Variants in SPTBN1 observed in about 807,000 individuals in gnomAD.
SPTBN1 encodes the protein spectrin beta chain, non-erythrocytic 1.
Under a neutral mutation model 266.4 loss-of-function variants are expected in SPTBN1, and 32 were observed. That is an observed-to-expected ratio of 0.12 (90% CI 0.09 to 0.16). The LOEUF (loss-of-function observed/expected upper bound fraction) is 0.16, where lower values mean the gene tolerates loss of function less well. Ranked by LOEUF, SPTBN1 falls within the 10% of genes least tolerant of loss-of-function variation. SPTBN1 has a pLI of 1.00. For synonymous variants in SPTBN1, 1,336 were observed against 1,162.2 expected, an observed-to-expected ratio of 1.15 and a Z score of -3.04; for missense variants, 2,296 against 3,067.1, an observed-to-expected ratio of 0.75 and a Z score of 5.94.
chr2:54,659,535 G>C (rs941727870), intron 31 of SPTBN1, among the ~76,000 whole-genome samples: 1 of 152,298 alleles, frequency 6.6e-6, no homozygotes, highest in South Asian at 2.1e-4. Flanking sequence ...AGGATGCTCA[G>C]AACTTCCATA....
In SPTBN1 at chr2:54,648,976, T is replaced by C. The variant is rs773849151; in HGVS notation, c.4998-10T>C. ...TCCTTTTTCTCCCCATTGCTCCTTT[T>C]CTTTTTCAGTGAGCGCATTAGCATG... On this transcript the variant is annotated splice_polypyrimidine_tract_variant and intron_variant, in intron 24 of 35. Coordinates refer to ENST00000356805, the MANE Select transcript of SPTBN1 (RefSeq NM_003128.3). 12 of 1,582,550 alleles carry C rather than the reference T, an allele frequency of 7.6e-6. No homozygotes were observed. In the South Asian group the frequency reaches 1.0e-4, roughly 13 times the overall value.
intron 2 of SPTBN1, among the ~76,000 whole-genome samples, chr2:54,531,326 T>C (rs1671224362): frequency 6.6e-6 from 1 of 152,142 alleles, no homozygotes; most frequent in East Asian, 1.9e-4. Context: ...CAGAATTGAA[T>C]TGAATTGTAG....
At chr2:54,497,430 T>C (rs1237465780) in intron 1 of SPTBN1, among the ~76,000 whole-genome samples, 1 of 152,164 alleles carries the variant, frequency 6.6e-6, no homozygotes, top group Non-Finnish European at 1.5e-5. Context: ...TGAGACTCAC[T>C]CTAACCACCA....
At chr2:54,468,315 TAAAATA>T (rs1693741414) in intron 1 of SPTBN1, among the ~76,000 whole-genome samples, 1 of 140,830 alleles carries the variant, frequency 7.1e-6, no homozygotes, top group Non-Finnish European at 1.5e-5. Flanking sequence ...TCAAAAAAAA[TAAAATA>T]AAAAAATAAA....
chr2:54,580,600 CAA>C (rs5831313), intron 2 of SPTBN1, among the ~76,000 whole-genome samples: 26 of 137,804 alleles, frequency 1.9e-4, no homozygotes, highest in Admixed American at 2.2e-4. Context: ...ACACTTTAAC[CAA>C]AAAAAAAAAA....
chr2:54,637,842 T>C, intron 18 of SPTBN1, 39 bp downstream of exon 18: 1 of 1,503,894 alleles, frequency 6.6e-7, no homozygotes, highest in Non-Finnish European at 9.2e-7. Flanking sequence ...TGTGTTCCAG[T>C]AATAGCAATT....
chr2:54,623,665 G>A (rs756967242), intron 10 of SPTBN1, 69 bp downstream of exon 10: 42 of 1,256,752 alleles, frequency 3.3e-5, no homozygotes, highest in Admixed American at 1.3e-4. Context: ...ACTAGGTCTC[G>A]ACTGCTAAGA....
Position 54,647,217 on chromosome 2 carries a change from C to T in SPTBN1, c.4953C>T (p.Leu1651=), listed in dbSNP as rs143233659. 6.2e-7 allele frequency: 1 copy of T among 1,614,020 alleles called. No individual in the cohort carries two copies. Among genetic ancestry groups the T allele is most frequent in the African/African-American group, 1.3e-5 (1 of 74,934 alleles). Reference sequence around the variant, plus strand: ...ACTATGCAGAGACCGTGCATCAGCTCTCCAAGACCAGCCGGGCCCTGGTGG... The same window carrying T: ...ACTATGCAGAGACCGTGCATCAGCTTTCCAAGACCAGCCGGGCCCTGGTGG... ...VEDYAETVHQ[L]SKTSRALVAD... Residue 1651 remains leucine, a synonymous_variant, in exon 24 of 36, where the codon CTC becomes CTT. Coordinates refer to ENST00000356805, the MANE Select transcript of SPTBN1 (RefSeq NM_003128.3).
At chr2:54,586,203 G>A (rs1003367696) in intron 2 of SPTBN1, among the ~76,000 whole-genome samples, 8 of 152,132 alleles carry the variant, frequency 5.3e-5, no homozygotes, top group Non-Finnish European at 2.9e-5. Flanking sequence ...GCTTACTTGC[G>A]TAGACAACTG....
chr2:54,541,524 T>C (rs62134669), intron 2 of SPTBN1, among the ~76,000 whole-genome samples: 20,077 of 152,284 alleles, frequency 0.13, 1,457 homozygotes, highest in Middle Eastern at 0.24. Flanking sequence ...TGTGCATTCA[T>C]TTAATCAGTC....
chr2:54,468,364 A>T (rs540436464), intron 1 of SPTBN1, among the ~76,000 whole-genome samples: 6 of 151,938 alleles, frequency 3.9e-5, no homozygotes, highest in Non-Finnish European at 8.8e-5. Context: ...GTGTGTATAT[A>T]TATTTATTTA....
chr2:54,531,290 T>G (rs957152248), intron 2 of SPTBN1, among the ~76,000 whole-genome samples: 1 of 152,166 alleles, frequency 6.6e-6, no homozygotes, highest in African/African-American at 2.4e-5. Flanking sequence ...CCTATGGGAT[T>G]TAACAATAAT....
chr2:54,564,860 T>C (rs1375081553), intron 2 of SPTBN1, among the ~76,000 whole-genome samples: 1 of 152,210 alleles, frequency 6.6e-6, no homozygotes, highest in African/African-American at 2.4e-5. Flanking sequence ...CTTTTTGTTT[T>C]CCCTGTATTT....
chr2:54,671,096 G>A lies in SPTBN1; in HGVS notation c.*2527G>A, dbSNP rs961281088. On this transcript the variant is annotated 3_prime_UTR_variant, in exon 36 of 36. Transcript: ENST00000356805. ...ACTGGCCCCTCCATAAATCTGAAGA[G>A]TAAGAAGTAGTGAAAATAAGGCTTA... 33 of 301,632 alleles carry A rather than the reference G, an allele frequency of 1.1e-4. 1 individual carries two copies. The South Asian group carries it at 1.1e-3, about 10-fold the overall frequency. 18.7% of individuals were successfully genotyped at this position (301,632 alleles called of 1,614,324 possible).
At chr2:54,576,057 T>TC (rs940768805) in intron 2 of SPTBN1, among the ~76,000 whole-genome samples, 5 of 103,318 alleles carry the variant, frequency 4.8e-5, no homozygotes, top group African/African-American at 2.8e-4. Flanking sequence ...AGATCCAGCT[T>TC]TTTTTTTTTT....
At chr2:54,647,303 C>T (rs755796806) in intron 24 of SPTBN1, 42 bp downstream of exon 24, 16 of 1,606,622 alleles carry the variant, frequency 1.0e-5, no homozygotes, top group African/African-American at 2.7e-5. Flanking sequence ...CTCTCGATTC[C>T]TCTCAGTTAG....
chr2:54,525,123 A>G (rs544528920), intron 1 of SPTBN1, among the ~76,000 whole-genome samples: 76 of 152,344 alleles, frequency 5.0e-4, no homozygotes, highest in African/African-American at 1.6e-3. Context: ...TCAATGAGTG[A>G]ATAATAGCTA....
intron 1 of SPTBN1, among the ~76,000 whole-genome samples, chr2:54,481,457 T>G (rs1668103305): frequency 6.6e-6 from 1 of 151,736 alleles, no homozygotes; most frequent in Non-Finnish European, 1.5e-5. Flanking sequence ...TTTGTTTGTT[T>G]GTTTGTTTGT....
rs1021731675 is a variant in SPTBN1 at position 54,487,906 on chromosome 2, T to C, written c.-48+31388T>C. On this transcript the variant is annotated intron_variant, in intron 1 of 35. Transcript: ENST00000356805. ...GTGCAGTGGCACGATCTCAGCTCAC[T>C]GCAAGCTCCGCCTCCCAGGTTCACG... Among the ~76,000 whole-genome samples the C allele has an allele frequency of 2.1e-5, 3 of 141,620 alleles. No homozygotes were observed. In the Admixed American group the frequency reaches 2.3e-4, roughly 11 times the overall value. The allele number at this position is 141,620 out of a possible 152,430, so 92.9% of individuals were successfully genotyped here.
Sources: gnomAD v4.1 joint callset for allele counts (sites outside exome capture counted in the v4.1 genomes callset) on GRCh38, gnomAD v4.1.1 for gene constraint, MANE v1.5 for transcripts, NCBI Gene and HGNC (gene_info 2026-07-23, HGNC 2026-07-21) for gene names.